The following P2RY8 variants were observed in gnomAD, a reference collection of about 807,000 sequenced individuals.
P2RY8 encodes the protein P2Y receptor family member 8, also known as S-geranylgeranyl-glutathione receptor P2RY8.
In P2RY8, 6 loss-of-function variants were observed where a neutral mutation model predicts 10.0. The ratio of observed to expected loss-of-function variants is 0.60; its 90% CI spans 0.33 to 1.19. The LOEUF (loss-of-function observed/expected upper bound fraction) is 1.19. Ranked by LOEUF, P2RY8 falls within the 50% of genes most tolerant of loss-of-function variation. The probability of loss-of-function intolerance (pLI) is 0.04; values close to 1 mark genes in which losing one functional copy is unlikely to be tolerated. For synonymous variants in P2RY8, 276 were observed against 252.5 expected (o/e 1.09, Z -0.88); for missense variants, 456 against 542.0 (o/e 0.84, Z 1.58).
intron 1 of P2RY8, among the ~76,000 whole-genome samples, chrX:1,512,870 T>A (rs1414417062): frequency 3.3e-5 from 5 of 151,878 alleles, no homozygotes; most frequent in Non-Finnish European, 5.9e-5. Context: ...TATTTAATTT[T>A]ACTTTAAGTT....
intron 1 of P2RY8, among the ~76,000 whole-genome samples, chrX:1,469,266 C>T (rs1442120831): frequency 1.3e-5 from 2 of 149,702 alleles, no homozygotes; most frequent in African/African-American, 2.5e-5. Context: ...CTGCTTCAAG[C>T]GATTCTCCTG....
chrX:1,524,769 C>T, intron 1 of P2RY8, among the ~76,000 whole-genome samples: 2 of 102,054 alleles, frequency 2.0e-5, no homozygotes, highest in Non-Finnish European at 4.7e-5. Context: ...ATCCATCCAT[C>T]CATCCATCCA....
At chrX:1,530,376 CTCTAA>C (rs1486060414) in intron 1 of P2RY8, among the ~76,000 whole-genome samples, 1 of 151,514 alleles carries the variant, frequency 6.6e-6, no homozygotes, top group Non-Finnish European at 1.5e-5. Context: ...CTAGGTATCT[CTCTAA>C]TCTATCATCT....
At position 1,466,349 on chromosome X, in the gene P2RY8, C is replaced by A; in HGVS notation, c.210G>T (p.Leu70=). The change falls in exon 2 of 2, where the codon CTG becomes CTT. Residue 70 remains leucine (L), a synonymous_variant. Coordinates refer to ENST00000381297, the MANE Select transcript of P2RY8 (RefSeq NM_178129.5). The part of the protein sequence containing the change: ...IFMINLSVTD[L]MLASVLPFQI... ...GGAAAGGCAACACGCTGGCCAGCAT[C>A]AGGTCCGTGACGCTCAGGTTGATCA... 1 of 1,613,866 alleles carries A rather than the reference C, an allele frequency of 6.2e-7. No homozygotes were observed.
chrX:1,510,045 A>C (rs774477582), intron 1 of P2RY8, among the ~76,000 whole-genome samples: 1 of 151,926 alleles, frequency 6.6e-6, no homozygotes, highest in East Asian at 1.9e-4. Flanking sequence ...ACTATCCTCT[A>C]TCTATCATCT....
In P2RY8 at chrX:1,536,904, C is replaced by T. The variant is rs192850885; in HGVS notation, c.-25+17G>A. The T allele has an allele frequency of 4.5e-6, 1 of 221,180 alleles. No homozygotes were observed. The highest frequency in any genetic ancestry group is 2.2e-5 in the African/African-American group (1 of 44,628). 13.7% of individuals were successfully genotyped at this position (221,180 alleles called of 1,614,324 possible). On this transcript the variant is annotated intron_variant, in intron 1 of 1. Coordinates refer to ENST00000381297, the MANE Select transcript of P2RY8 (RefSeq NM_178129.5). ...GACAGTGCAGGACAAGCATAAAAGT[C>T]CAGCTCGGCGGCTCACCTGTGCAGA...
At position 1,524,665 on chromosome X, in the gene P2RY8, CCATT is replaced by C. The variant is rs1449037756; in HGVS notation, c.-25+12252_-25+12255del. 4.7e-3 allele frequency among the ~76,000 whole-genome samples: 352 copies of C among 74,124 alleles called. 33 individuals are homozygous for C. The highest frequency in any genetic ancestry group is 6.8e-3 in the Admixed American group (55 of 8,064). 48.6% of individuals were successfully genotyped at this position (74,124 alleles called of 152,430 possible). A position where few individuals can be genotyped will look rare whatever the true frequency, so the allele number is the denominator to read the frequency against. ...TCCATACATCCATCCATCCATCCAT[CCATT>C]CATCCATCCATCCATCCATCCATCC... On this transcript the variant is annotated intron_variant, in intron 1 of 1. Coordinates refer to ENST00000381297, the MANE Select transcript of P2RY8 (RefSeq NM_178129.5).
intron 1 of P2RY8, among the ~76,000 whole-genome samples, chrX:1,493,901 C>T (rs36074436): frequency 0.01 from 1,575 of 152,254 alleles, 22 homozygotes; most frequent in Middle Eastern, 0.054. Flanking sequence ...ACAGCTCCTG[C>T]CTGGAGGCTG....
At chrX:1,468,107 T>C (rs1291184642) in intron 1 of P2RY8, among the ~76,000 whole-genome samples, 2 of 151,750 alleles carry the variant, frequency 1.3e-5, no homozygotes, top group African/African-American at 2.4e-5. Context: ...CCAGCTAATA[T>C]TTTTATTTTC....
intron 1 of P2RY8, among the ~76,000 whole-genome samples, chrX:1,524,419 A>ATCCC (rs2092416178): frequency 8.7e-6 from 1 of 115,180 alleles, no homozygotes; most frequent in African/African-American, 3.3e-5. Context: ...GCATCCATCC[A>ATCCC]TCCATCCATC....
chrX:1,465,314 G>A lies in P2RY8; in HGVS notation c.*165C>T. On this transcript the variant is annotated 3_prime_UTR_variant, in exon 2 of 2. Transcript: ENST00000381297. ...GAGACCCTTCCTCACCGGTGCCTCT[G>A]CAGTGCCTGGGAGGAATAAAGCCTG... The A allele has an allele frequency of 8.6e-7, 1 of 1,166,970 alleles. No homozygotes were observed. The highest frequency in any genetic ancestry group is 1.2e-6 in the Non-Finnish European group (1 of 851,016). The allele number at this position is 1,166,970 out of a possible 1,614,324, so 72.3% of individuals were successfully genotyped here.
intron 1 of P2RY8, among the ~76,000 whole-genome samples, chrX:1,517,992 C>T (rs1427694151): frequency 2.0e-5 from 3 of 151,344 alleles, no homozygotes; most frequent in Admixed American, 1.3e-4. Flanking sequence ...ACCTGTAATC[C>T]CAGCTACTCA....
At chrX:1,500,570 G>A (rs1387980940) in intron 1 of P2RY8, among the ~76,000 whole-genome samples, 2 of 151,680 alleles carry the variant, frequency 1.3e-5, no homozygotes, top group African/African-American at 2.4e-5. Flanking sequence ...TCAGCCTCCC[G>A]AGTAGCTGGG....
In P2RY8 at chrX:1,523,078, AAAATAAATAAATAAAT is replaced by A. The variant is rs527900056; in HGVS notation, c.-25+13827_-25+13842del. Among the ~76,000 whole-genome samples the A allele has an allele frequency of 1.3e-4, 18 of 134,854 alleles. No homozygotes were observed. In the East Asian group the frequency reaches 1.9e-3, roughly 14 times the overall value. 88.5% of individuals were successfully genotyped at this position (134,854 alleles called of 152,430 possible). A position where few individuals can be genotyped will look rare whatever the true frequency, so the allele number is the denominator to read the frequency against. On this transcript the variant is annotated intron_variant, in intron 1 of 1. Transcript: ENST00000381297. ...AGAGAGACTCCATCCCCCACTGCCA[AAAATAAATAAATAAAT>A]AAATAAATAAATAAATAAATAAATA...
chrX:1,531,509 T>C (rs2092475471), intron 1 of P2RY8, among the ~76,000 whole-genome samples: 1 of 151,994 alleles, frequency 6.6e-6, no homozygotes, highest in Non-Finnish European at 1.5e-5. Flanking sequence ...CACCCCCAGC[T>C]CATGAACTCC....
intron 1 of P2RY8, among the ~76,000 whole-genome samples, chrX:1,523,512 G>A (rs1187711614): frequency 6.6e-6 from 1 of 152,080 alleles, no homozygotes; most frequent in Non-Finnish European, 1.5e-5. Context: ...TTGCAGATTT[G>A]TGATTGCCAG....
chrX:1,517,467 A>G (rs1285913649), intron 1 of P2RY8, among the ~76,000 whole-genome samples: 2 of 152,166 alleles, frequency 1.3e-5, no homozygotes, highest in African/African-American at 4.8e-5. Context: ...CCTTGTGGGC[A>G]GTCCCCAGTA....
intron 1 of P2RY8, among the ~76,000 whole-genome samples, chrX:1,529,441 A>T (rs2092459152): frequency 6.6e-6 from 1 of 151,846 alleles, no homozygotes; most frequent in Non-Finnish European, 1.5e-5. Flanking sequence ...ATTGCGGGAG[A>T]TTCTGTTCCA....
chrX:1,474,950 A>G (rs1184598546), intron 1 of P2RY8, among the ~76,000 whole-genome samples: 1 of 139,300 alleles, frequency 7.2e-6, no homozygotes, highest in Non-Finnish European at 1.5e-5. Context: ...AGGTGGTTGG[A>G]CGTGTGGGTG....
Sources: gnomAD v4.1 joint callset for allele counts (sites outside exome capture counted in the v4.1 genomes callset) on GRCh38, gnomAD v4.1.1 for gene constraint, MANE v1.5 for transcripts, NCBI Gene and HGNC (gene_info 2026-07-23, HGNC 2026-07-21) for gene names.